Variants in DAW1 observed in about 807,000 individuals in gnomAD.
DAW1 encodes dynein assembly factor with WD repeats 1.
DAW1 carries 47 observed loss-of-function variants against 56.5 expected under a neutral mutation model. The ratio of observed to expected loss-of-function variants is 0.83; its 90% confidence interval spans 0.66 to 1.06. The LOEUF (loss-of-function observed/expected upper bound fraction) is 1.06. DAW1 is among the 50% of genes least tolerant of loss of function. DAW1 has a pLI of 0.00. For synonymous variants in DAW1, 190 were observed against 179.0 expected, an observed-to-expected ratio of 1.06 and a Z score of -0.49; for missense variants, 505 against 499.3, an observed-to-expected ratio of 1.01 and a Z score of -0.11.
chr2:227,878,516 G>A (rs1690938602), intron 1 of DAW1, among the ~76,000 whole-genome samples: 1 of 152,226 alleles, frequency 6.6e-6, no homozygotes. Flanking sequence ...GAGCCCAGGA[G>A]TTGAAGACCA....
At chr2:227,892,962 T>C (rs1053900214) in intron 4 of DAW1, among the ~76,000 whole-genome samples, 2 of 152,168 alleles carry the variant, frequency 1.3e-5, no homozygotes, top group African/African-American at 4.8e-5. Flanking sequence ...AAAGGAACCA[T>C]TCATTTGTTT....
At chr2:227,914,007 TC>T in intron 10 of DAW1, among the ~76,000 whole-genome samples, 2 of 151,942 alleles carry the variant, frequency 1.3e-5, no homozygotes, top group African/African-American at 2.4e-5. Flanking sequence ...TCTCTCTCTC[TC>T]TCTTTCTTTA....
chr2:227,906,418 C>T, intron 9 of DAW1, 80 bp downstream of exon 9: 1 of 901,562 alleles, frequency 1.1e-6, no homozygotes, highest in Non-Finnish European at 1.6e-6. Flanking sequence ...GTAACATTAA[C>T]AGATTTCAAA....
At position 227,911,256 on chromosome 2, in the gene DAW1, ACG is replaced by A. The variant is rs1491336631; in HGVS notation, c.973+4005_973+4006del. Among the ~76,000 whole-genome samples, 829 of 146,800 alleles carry A rather than the reference ACG, an allele frequency of 5.6e-3. 13 individuals are homozygous for A. Among genetic ancestry groups the A allele is most frequent in the African/African-American group, 0.02 (801 of 40,074 alleles). ...TATATATACATATATACATATATACACGTGTATATACACATATACACGTGTAT... is the reference window on the plus strand; with the variant it reads ...TATATATACATATATACATATATACATGTATATACACATATACACGTGTAT... On this transcript the variant is annotated intron_variant, in intron 10 of 12. Coordinates refer to ENST00000309931, the MANE Select transcript of DAW1 (RefSeq NM_178821.3).
chr2:227,893,060 G>C (rs1265183791), intron 4 of DAW1, among the ~76,000 whole-genome samples: 2 of 150,924 alleles, frequency 1.3e-5, no homozygotes, highest in Admixed American at 1.3e-4. Flanking sequence ...ACGAGGTCAG[G>C]AGTTGGAGAC....
chr2:227,872,713 C>T lies in DAW1; in HGVS notation c.40+984C>T, dbSNP rs111976393. 6.5e-3 allele frequency among the ~76,000 whole-genome samples: 960 copies of T among 146,808 alleles called. 13 individuals are homozygous for T. The highest frequency in any genetic ancestry group is 0.023 in the African/African-American group (918 of 39,930). ...CCCACCCCCCCAACCCCCGGCATTC[C>T]GTTATCATTCTGCCAGCTCTAAGTC... On this transcript the variant is annotated intron_variant, in intron 1 of 12. Coordinates refer to ENST00000309931, the MANE Select transcript of DAW1 (RefSeq NM_178821.3).
intron 10 of DAW1, among the ~76,000 whole-genome samples, chr2:227,913,753 A>G (rs1291938240): frequency 6.6e-6 from 1 of 152,038 alleles, no homozygotes; most frequent in Non-Finnish European, 1.5e-5. Context: ...ATATCCCTGT[A>G]CTATGCATAT....
At chr2:227,875,269 T>C (rs1156973782) in intron 1 of DAW1, among the ~76,000 whole-genome samples, 1 of 152,226 alleles carries the variant, frequency 6.6e-6, no homozygotes, top group Non-Finnish European at 1.5e-5. Flanking sequence ...ACCATTCTTT[T>C]TAGCTTGAAA....
rs1010638384 is a variant in DAW1 at position 227,914,808 on chromosome 2, C to A, written c.974-3972C>A. ...ATTTATGTTGGAATCAATATGATAT[C>A]TGTCTTAGATAATGTCGTACTAATA... On this transcript the variant is annotated intron_variant, in intron 10 of 12. Coordinates refer to ENST00000309931, the MANE Select transcript of DAW1 (RefSeq NM_178821.3). Among the ~76,000 whole-genome samples, 3 of 152,078 alleles carry A rather than the reference C, an allele frequency of 2.0e-5. No individual in the cohort carries two copies. The East Asian group carries it at 5.8e-4, about 29-fold the overall frequency.
At position 227,924,065 on chromosome 2, in the gene DAW1, T is replaced by G. The variant is rs1692170343; in HGVS notation, c.*97T>G. On this transcript the variant is annotated 3_prime_UTR_variant, in exon 13 of 13. Coordinates refer to ENST00000309931, the MANE Select transcript of DAW1 (RefSeq NM_178821.3). ...CTCTCTTAATATTTCTTATACTTTC[T>G]CTTTTTCTGCAAGTCAACTATTTCT... is the stretch of plus-strand genomic sequence containing the variant. 5.6e-6 allele frequency: 8 copies of G among 1,426,450 alleles called. No homozygotes were observed. The South Asian group carries it at 9.7e-5, about 17-fold the overall frequency. 88.4% of individuals were successfully genotyped at this position (1,426,450 alleles called of 1,614,324 possible). A position where few individuals can be genotyped will look rare whatever the true frequency, so the allele number is the denominator to read the frequency against.
intron 11 of DAW1, among the ~76,000 whole-genome samples, chr2:227,919,780 T>C (rs1692061238): frequency 6.6e-6 from 1 of 152,190 alleles, no homozygotes; most frequent in Admixed American, 6.5e-5. Flanking sequence ...ACCTCCCAGC[T>C]CAGCACAATC....
chr2:227,900,642 A>T (rs1280120002), intron 6 of DAW1, among the ~76,000 whole-genome samples: 1 of 152,160 alleles, frequency 6.6e-6, no homozygotes, highest in Non-Finnish European at 1.5e-5. Context: ...GCCCTGGAAA[A>T]TGCTGAGAAG....
rs148136031 is a variant in DAW1 at position 227,880,698 on chromosome 2, C to G, written c.41-4653C>G. On this transcript the variant is annotated intron_variant, in intron 1 of 12. Coordinates refer to ENST00000309931, the MANE Select transcript of DAW1 (RefSeq NM_178821.3). ...ATTACCTGTTTAGGTTTCAGCACAT[C>G]CGCGCAGCAAGACAGGGTTGAGAAA... Among the ~76,000 whole-genome samples, 30 of 152,316 alleles carry G rather than the reference C, an allele frequency of 2.0e-4. No individual in the cohort carries two copies. In the East Asian group the frequency reaches 5.8e-3, roughly 29 times the overall value.
intron 10 of DAW1, chr2:227,912,420 A>G (rs757915578): frequency 5.4e-6 from 7 of 1,304,792 alleles, no homozygotes; most frequent in Non-Finnish European, 6.1e-6. Flanking sequence ...CTCTTTGATC[A>G]CTGGACGTGA....
chr2:227,900,905 G>A (rs1691526569), intron 6 of DAW1, among the ~76,000 whole-genome samples: 1 of 152,186 alleles, frequency 6.6e-6, no homozygotes, highest in African/African-American at 2.4e-5. Flanking sequence ...CAGGGTGTGA[G>A]CAATTAAAGT....
intron 4 of DAW1, among the ~76,000 whole-genome samples, chr2:227,891,951 C>G (rs1159092541): frequency 6.6e-6 from 1 of 152,026 alleles, no homozygotes; most frequent in African/African-American, 2.4e-5. Context: ...AGAAGCTGTT[C>G]CACAGCTCCT....
In DAW1 at chr2:227,893,822, G is replaced by T; in HGVS notation, c.345G>T (p.Thr115=). Residue 115 remains threonine, a synonymous_variant, in exon 5 of 13, where the codon ACG becomes ACT. Transcript: ENST00000309931. ...SCFITGSYDR[T]CKLWDTASGE... is the part of the protein sequence containing the mutation. The stretch of plus-strand genomic sequence containing the variant: ...TTATCACAGGAAGCTATGATCGGAC[G>T]TGCAAGCTCTGGGACACTGCGTCTG... The T allele has an allele frequency of 1.9e-6, 3 of 1,613,476 alleles. No homozygotes were observed. The highest frequency in any genetic ancestry group is 2.5e-6 in the Non-Finnish European group (3 of 1,179,754).
chr2:227,903,254 T>G, intron 7 of DAW1, 145 bp downstream of exon 7: 1 of 826,830 alleles, frequency 1.2e-6, no homozygotes, highest in Non-Finnish European at 1.9e-6. Context: ...GTTTCCTGGC[T>G]ATTCCAAAAG....
chr2:227,911,369 T>C (rs1185946085), intron 10 of DAW1, among the ~76,000 whole-genome samples: 7 of 147,658 alleles, frequency 4.7e-5, no homozygotes, highest in Non-Finnish European at 1.0e-4. Flanking sequence ...AAATTATACA[T>C]GATTATATAT....
Sources: allele counts gnomAD v4.1 joint callset (sites outside exome capture counted in the v4.1 genomes callset), GRCh38; gene constraint gnomAD v4.1.1; transcripts MANE v1.5; gene names NCBI Gene and HGNC (gene_info 2026-07-23, HGNC 2026-07-21).